The following FAM240C variants were observed in gnomAD, a reference collection of about 807,000 sequenced individuals.
FAM240C encodes the protein family with sequence similarity 240 member C.
FAM240C carries 14 observed loss-of-function variants against 10.0 expected under a neutral mutation model. That is an observed-to-expected ratio of 1.40 (90% CI 0.92 to 2.19). FAM240C has a LOEUF of 2.19. Ranked by LOEUF, FAM240C falls within the 30% of genes most tolerant of loss-of-function variation. FAM240C has a pLI of 0.00. For missense variants in FAM240C, 154 were observed against 122.3 expected (o/e 1.26, Z -1.22); for synonymous variants, 49 against 44.3 (o/e 1.11, Z -0.42).
At chr2:241,901,051 C>T (rs547080410), upstream of FAM240C, among the ~76,000 whole-genome samples, 90 of 152,226 alleles carry the variant, frequency 5.9e-4, 1 homozygote, top group Middle Eastern at 3.4e-3. The surrounding 1 kb of genome is among the most constrained non-coding windows in gnomAD (Gnocchi z 4.9). Context: ...CTGGAGCAAG[C>T]AGGAAGGAAG....
chr2:241,898,161 TA>T (rs1701897957), intron 1 of FAM240C, among the ~76,000 whole-genome samples: 4 of 152,332 alleles, frequency 2.6e-5, no homozygotes, highest in African/African-American at 9.6e-5. Flanking sequence ...TGTAATATGC[TA>T]AAGTGAGGCT....
Position 241,897,207 on chromosome 2 carries a change from A to G in FAM240C, c.140T>C (p.Val47Ala), listed in dbSNP as rs1483936095. The change falls in exon 2 of 3, where the codon GTT becomes GCT. Residue 47 changes from valine to alanine, a missense_variant. Transcript: ENST00000404031. ...ARHLQNEDIR[V>A]RRSALNKLRV... is the part of the protein sequence containing the mutation. Reference sequence around the variant, plus strand: ...TCACTTGTTCAGAGCGCTTCTGCGAACCCTGATGTCCTCGTTCTGCAGGTG... The same window carrying G: ...TCACTTGTTCAGAGCGCTTCTGCGAGCCCTGATGTCCTCGTTCTGCAGGTG... 1.3e-6 allele frequency: 2 copies of G among 1,549,766 alleles called. No homozygotes were observed. The highest frequency in any genetic ancestry group is 8.7e-7 in the Non-Finnish European group (1 of 1,146,440).
intron 2 of FAM240C, among the ~76,000 whole-genome samples, chr2:241,894,906 C>A (rs1701756506): frequency 6.6e-6 from 1 of 152,240 alleles, no homozygotes; most frequent in African/African-American, 2.4e-5. Flanking sequence ...GATCTCAGCA[C>A]CACGCATGGG....
At chr2:241,896,867 G>T (rs1701852994) in intron 2 of FAM240C, among the ~76,000 whole-genome samples, 1 of 148,466 alleles carries the variant, frequency 6.7e-6, no homozygotes, top group African/African-American at 2.5e-5. Context: ...GGGTGTGGGG[G>T]TGGGGGTGAA....
upstream of FAM240C, among the ~76,000 whole-genome samples, chr2:241,902,346 T>TCCA (rs1559471266): frequency 7.7e-5 from 4 of 51,894 alleles, no homozygotes; most frequent in African/African-American, 2.1e-4. The surrounding 1 kb of genome is among the most constrained non-coding windows in gnomAD (Gnocchi z 7.1). Context: ...CCGCCTCCCC[T>TCCA]CCGCCGCCGC....
intron 2 of FAM240C, among the ~76,000 whole-genome samples, chr2:241,896,559 TGGGGTGTGGGTGTG>T (rs1559468328): frequency 2.3e-4 from 3 of 12,774 alleles, no homozygotes; most frequent in Admixed American, 1.0e-3. Flanking sequence ...GTGTGTGTGT[TGGGGTGTGGGTGTG>T]GGGGTGTGGG....
At chr2:241,900,651 C>T (rs999769514), upstream of FAM240C, among the ~76,000 whole-genome samples, 12 of 152,092 alleles carry the variant, frequency 7.9e-5, no homozygotes, top group Admixed American at 1.3e-4. The surrounding 1 kb of genome is among the most constrained non-coding windows in gnomAD (Gnocchi z 4.5). Context: ...TTTTTTTCTT[C>T]TTTCGACGGC....
rs923114152 is a variant in FAM240C, at chr2:241,897,114, G to A, written c.161+72C>T. 30 of 1,496,752 alleles carry A rather than the reference G, an allele frequency of 2.0e-5. No individual in the cohort carries two copies. In the Middle Eastern group the frequency reaches 8.3e-4, roughly 41 times the overall value. The allele number at this position is 1,496,752 out of a possible 1,614,324, so 92.7% of individuals were successfully genotyped here. ...GGCTGTGTCAGGGCACACTGCTGGC[G>A]GGGCTGTGCCCCTGGGTGGCGAGCG... On this transcript the variant is annotated intron_variant, in intron 2 of 2. Transcript: ENST00000404031.
intron 2 of FAM240C, among the ~76,000 whole-genome samples, chr2:241,896,530 T>A (rs868546168): frequency 0.047 from 4,684 of 99,020 alleles, 29 homozygotes; most frequent in Non-Finnish European, 0.06. Context: ...GGTGTGGGTG[T>A]TGGGGTGTGG....
intron 2 of FAM240C, among the ~76,000 whole-genome samples, chr2:241,896,480 C>T (rs1314300511): frequency 1.4e-3 from 103 of 75,456 alleles, no homozygotes; most frequent in African/African-American, 5.2e-3. Context: ...AGGGAGATGG[C>T]GGGGGAAGGG....
At chr2:241,898,978 G>T in intron 1 of FAM240C, 3 of 584,304 alleles carry the variant, frequency 5.1e-6, no homozygotes, top group Non-Finnish European at 5.8e-6. Context: ...GGCCTTGCTT[G>T]GCCTTGGAGG....
intron 2 of FAM240C, among the ~76,000 whole-genome samples, chr2:241,894,584 G>A (rs1231541202): frequency 7.0e-6 from 1 of 143,104 alleles, no homozygotes; most frequent in East Asian, 2.2e-4. Context: ...GGGGGGGGGG[G>A]GGGGCGTCTC....
upstream of FAM240C, chr2:241,900,521 G>T: frequency 1.6e-6 from 1 of 636,096 alleles, no homozygotes. This position sits in a 1 kb window ranked among gnomAD's most constrained non-coding sequence, Gnocchi z 4.5. Flanking sequence ...AAGACGCGCT[G>T]CCCTCTGTCT....
rs571335222 is a variant in FAM240C, at chr2:241,899,930, C to T, written c.12+428G>A. 5.3e-5 allele frequency among the ~76,000 whole-genome samples: 8 copies of T among 152,148 alleles called. No individual in the cohort carries two copies. The South Asian group carries it at 1.0e-3, about 20-fold the overall frequency. On this transcript the variant is annotated intron_variant, in intron 1 of 2. Coordinates refer to ENST00000404031, the MANE Select transcript of FAM240C (RefSeq NM_001382368.1). ...AAAATACAAAAAATTAGCCGGGCGTCGTGGTGGGCGCCTGTAGTCCCAGCT... is the reference window on the plus strand; with the variant it reads ...AAAATACAAAAAATTAGCCGGGCGTTGTGGTGGGCGCCTGTAGTCCCAGCT...
intron 2 of FAM240C, 114 bp downstream of exon 2, chr2:241,897,072 G>C (rs964086216): frequency 7.7e-6 from 9 of 1,176,228 alleles, no homozygotes; most frequent in Non-Finnish European, 1.1e-5. Flanking sequence ...GGGGTTTCAT[G>C]GTGGGCTGAG....
intron 2 of FAM240C, among the ~76,000 whole-genome samples, chr2:241,895,364 G>A (rs1701771711): frequency 6.6e-6 from 1 of 152,242 alleles, no homozygotes; most frequent in Admixed American, 6.5e-5. Context: ...ATCCCAGAGA[G>A]GCTGCCAGGA....
chr2:241,902,323 C>G (rs1175823302), upstream of FAM240C, among the ~76,000 whole-genome samples: 5 of 120,170 alleles, frequency 4.2e-5, no homozygotes, highest in Non-Finnish European at 7.7e-5. The surrounding 1 kb of genome is among the most constrained non-coding windows in gnomAD (Gnocchi z 7.1). Context: ...CGCCTGCCGC[C>G]TCCCCTCCGC....
intron 2 of FAM240C, 111 bp from the exon 3 acceptor site, chr2:241,894,450 T>G: frequency 8.1e-7 from 1 of 1,234,428 alleles, no homozygotes; most frequent in Non-Finnish European, 1.1e-6. Context: ...AGTATGACAC[T>G]CCCTGCCAGG....
At position 241,895,402 on chromosome 2, in the gene FAM240C, C is replaced by T. The variant is rs1257199961; in HGVS notation, c.162-1063G>A. Among the ~76,000 whole-genome samples the T allele has an allele frequency of 3.3e-5, 5 of 152,238 alleles. No individual in the cohort carries two copies. The East Asian group carries it at 7.7e-4, about 23-fold the overall frequency. ...GCCAGCCCCATGGTGGTGGAAGCAG[C>T]GGCCCCTGTCCCTTTACAGGGGACC... is the stretch of plus-strand genomic sequence containing the variant. On this transcript the variant is annotated intron_variant, in intron 2 of 2. Transcript: ENST00000404031.
Sources: allele counts gnomAD v4.1 joint callset (sites outside exome capture counted in the v4.1 genomes callset), GRCh38; gene constraint gnomAD v4.1.1; non-coding constraint Gnocchi (gnomAD v3.1); transcripts MANE v1.5; gene names NCBI Gene and HGNC (gene_info 2026-07-23, HGNC 2026-07-21).